Variants in KCNK2 observed in about 807,000 individuals in gnomAD.
KCNK2 encodes potassium channel subfamily K member 2.
KCNK2 carries 21 observed loss-of-function variants against 40.5 expected under a neutral mutation model. That is an observed-to-expected ratio of 0.52 (90% CI 0.37 to 0.75). The LOEUF is 0.75. Among genes scored for constraint, KCNK2 ranks in the 30% least tolerant of loss-of-function variants. KCNK2 has a pLI of 0.00. For missense variants in KCNK2, 399 were observed against 531.6 expected (o/e 0.75, Z 2.45); for synonymous variants, 191 against 202.2 (o/e 0.94, Z 0.47).
At chr1:215,178,065 G>C (rs557174782) in intron 5 of KCNK2, among the ~76,000 whole-genome samples, 1 of 151,860 alleles carries the variant, frequency 6.6e-6, no homozygotes, top group South Asian at 2.1e-4. Flanking sequence ...ACAGTGTTGT[G>C]TAGTTCTTGT....
rs1553277249 is a variant in KCNK2 at position 215,236,045 on chromosome 1, A to AATCTATCTATTATCTATCTATCT, written c.*910_*911insTATCTATCTATCTATCTATCTAT. ...TACATTTTTAAAGGCAGAAGAAGAAAATCTATCTATCTATCTATCTATCTA... is the reference window on the plus strand; with the variant it reads ...TACATTTTTAAAGGCAGAAGAAGAAAATCTATCTATTATCTATCTATCTATCTATCTATCTATCTATCTATCTA... On this transcript the variant is annotated 3_prime_UTR_variant, in exon 7 of 7. Coordinates refer to ENST00000444842, the MANE Select transcript of KCNK2 (RefSeq NM_001017425.3). 5.0e-4 allele frequency: 72 copies of AATCTATCTATTATCTATCTATCT among 144,404 alleles called. No individual in the cohort carries two copies. Among genetic ancestry groups the AATCTATCTATTATCTATCTATCT allele is most frequent in the African/African-American group, 1.9e-3 (71 of 37,730 alleles). 8.9% of individuals were successfully genotyped at this position (144,404 alleles called of 1,614,324 possible).
intron 6 of KCNK2, among the ~76,000 whole-genome samples, chr1:215,221,157 T>C (rs935448058): frequency 2.0e-5 from 3 of 152,216 alleles, no homozygotes; most frequent in Non-Finnish European, 2.9e-5. Flanking sequence ...GGGTGGATCA[T>C]GAGGTCAGGA....
At chr1:215,226,750 C>T (rs1465659458) in intron 6 of KCNK2, among the ~76,000 whole-genome samples, 1 of 151,606 alleles carries the variant, frequency 6.6e-6, no homozygotes, top group Non-Finnish European at 1.5e-5. Flanking sequence ...GGCTGGTAAG[C>T]AGAAAGGAAA....
At chr1:215,089,707 C>A (rs1459515275) in intron 2 of KCNK2, among the ~76,000 whole-genome samples, 3 of 152,072 alleles carry the variant, frequency 2.0e-5, no homozygotes, top group Admixed American at 6.6e-5. Flanking sequence ...GACATCAAAA[C>A]AGATACCTTT....
At chr1:215,182,245 G>A (rs1273466036) in intron 5 of KCNK2, among the ~76,000 whole-genome samples, 2 of 152,110 alleles carry the variant, frequency 1.3e-5, no homozygotes, top group Non-Finnish European at 1.5e-5. Context: ...CATGATCTAT[G>A]CGCAGGAAGG....
intron 5 of KCNK2, among the ~76,000 whole-genome samples, chr1:215,193,579 T>A (rs1664751631): frequency 6.6e-6 from 1 of 152,184 alleles, no homozygotes; most frequent in Non-Finnish European, 1.5e-5. Context: ...AAATGACTCT[T>A]CTTGCCATCT....
chr1:215,060,006 C>A (rs979984994), intron 1 of KCNK2, among the ~76,000 whole-genome samples: 8 of 152,110 alleles, frequency 5.3e-5, no homozygotes, highest in African/African-American at 1.9e-4. Context: ...ATCAGCATGG[C>A]CAGGGACATG....
chr1:215,138,594 A>G lies in KCNK2; in HGVS notation c.475+13844A>G, dbSNP rs577180510. Among the ~76,000 whole-genome samples the G allele has an allele frequency of 1.4e-4, 22 of 152,300 alleles. 1 individual carries two copies. In the South Asian group the frequency reaches 4.1e-3, roughly 29 times the overall value. The stretch of plus-strand genomic sequence containing the variant: ...ATTGCAAGATCCTTGTCTCTACAAA[A>G]GAAAAAATAATTAGCCGAGCATGGT... On this transcript the variant is annotated intron_variant, in intron 3 of 6. Coordinates refer to ENST00000444842, the MANE Select transcript of KCNK2 (RefSeq NM_001017425.3).
rs1659241179 is a variant in KCNK2 at position 215,083,084 on chromosome 1, A to G, written c.-302A>G. 1 of 418,260 alleles carries G rather than the reference A, an allele frequency of 2.4e-6. No individual in the cohort carries two copies. Among genetic ancestry groups the G allele is most frequent in the East Asian group, 4.0e-5 (1 of 24,922 alleles). The allele number at this position is 418,260 out of a possible 1,614,324, so 25.9% of individuals were successfully genotyped here. On this transcript the variant is annotated 5_prime_UTR_variant, in exon 1 of 7. Coordinates refer to ENST00000444842, the MANE Select transcript of KCNK2 (RefSeq NM_001017425.3). ...GCTCTCCGGGTGACCCGGGCCCGGC[A>G]GCAGGCGCGCGCGGGGGCGGCGGCG...
chr1:215,068,392 G>A (rs1055358949), intron 1 of KCNK2, among the ~76,000 whole-genome samples: 4 of 152,094 alleles, frequency 2.6e-5, no homozygotes, highest in Non-Finnish European at 5.9e-5. Flanking sequence ...TACTTCAGGC[G>A]AAAGAAACAC....
intron 5 of KCNK2, among the ~76,000 whole-genome samples, 199 bp downstream of exon 5, chr1:215,172,382 T>C (rs1012138932): frequency 2.0e-5 from 3 of 152,154 alleles, no homozygotes; most frequent in African/African-American, 7.2e-5. Flanking sequence ...AGCAGGGCCA[T>C]GATCCCTCTC....
upstream of KCNK2, chr1:215,081,791 G>A (rs538728863): frequency 2.0e-5 from 3 of 152,250 alleles, no homozygotes; most frequent in East Asian, 3.9e-4. Flanking sequence ...ACTACATCAC[G>A]TGTGTTGTTA....
At chr1:215,129,045 C>G (rs545748018) in intron 3 of KCNK2, among the ~76,000 whole-genome samples, 1 of 152,080 alleles carries the variant, frequency 6.6e-6, no homozygotes. Flanking sequence ...GATGTATTGA[C>G]TGGGATGATT....
intron 1 of KCNK2, among the ~76,000 whole-genome samples, chr1:215,056,551 C>G (rs1356925398): frequency 1.8e-5 from 2 of 110,892 alleles, no homozygotes; most frequent in Non-Finnish European, 3.8e-5. Context: ...TGAGTTAATA[C>G]AATAATGCCA....
intron 3 of KCNK2, among the ~76,000 whole-genome samples, chr1:215,164,281 T>G (rs1055664525): frequency 6.6e-6 from 1 of 152,208 alleles, no homozygotes; most frequent in Non-Finnish European, 1.5e-5. Context: ...TTTATCATTT[T>G]TTATTGTGTC....
chr1:215,116,866 G>A (rs1372247911), intron 2 of KCNK2, among the ~76,000 whole-genome samples: 1 of 151,686 alleles, frequency 6.6e-6, no homozygotes. Flanking sequence ...TGCTGGGGGG[G>A]GAACCTTGAA....
chr1:215,218,704 C>A (rs1340836649), intron 6 of KCNK2, among the ~76,000 whole-genome samples: 1 of 152,114 alleles, frequency 6.6e-6, no homozygotes, highest in Non-Finnish European at 1.5e-5. Context: ...GTCCTGTTTC[C>A]CTCCTTACTT....
rs1660405639 is a variant in KCNK2 at position 215,105,681 on chromosome 1, A to G, written c.358-18952A>G. Among the ~76,000 whole-genome samples, 3 of 152,022 alleles carry G rather than the reference A, an allele frequency of 2.0e-5. No homozygotes were observed. In the South Asian group the frequency reaches 6.2e-4, roughly 32 times the overall value. Reference sequence around the variant, plus strand: ...GATGCTGAGGCTTGGGGCATTACTGATCCCATCACCCAGGTACTGAGCATA... The same window carrying G: ...GATGCTGAGGCTTGGGGCATTACTGGTCCCATCACCCAGGTACTGAGCATA... On this transcript the variant is annotated intron_variant, in intron 2 of 6. Transcript: ENST00000444842.
intron 3 of KCNK2, among the ~76,000 whole-genome samples, chr1:215,165,429 A>T (rs1439323004): frequency 6.6e-6 from 1 of 152,174 alleles, no homozygotes; most frequent in African/African-American, 2.4e-5. Context: ...CATTCAGAAC[A>T]TAGTGGAAGA....
Sources: gnomAD v4.1 joint callset for allele counts (sites outside exome capture counted in the v4.1 genomes callset) on GRCh38, gnomAD v4.1.1 for gene constraint, MANE v1.5 for transcripts, NCBI Gene and HGNC (gene_info 2026-07-23, HGNC 2026-07-21) for gene names.